The following GLIS3 variants were observed in gnomAD, a reference collection of about 807,000 sequenced individuals.
GLIS3 encodes the protein zinc finger protein GLIS3.
Under a neutral mutation model 78.6 loss-of-function variants are expected in GLIS3, and 53 were observed. That is an observed-to-expected ratio of 0.67 (90% confidence interval 0.54 to 0.85). The LOEUF is 0.85. Ranked by LOEUF, GLIS3 falls within the 40% of genes least tolerant of loss-of-function variation. GLIS3 has a pLI of 0.00. For missense variants in GLIS3, 1,703 were observed against 1,231.1 expected, an observed-to-expected ratio of 1.38 and a Z score of -5.74; for synonymous variants, 684 against 509.9, an observed-to-expected ratio of 1.34 and a Z score of -4.60.
chr9:3,899,018 C>T (rs1336358570), intron 6 of GLIS3, 183 bp from the exon 7 acceptor site: 1 of 729,034 alleles, frequency 1.4e-6, no homozygotes, highest in African/African-American at 1.7e-5. Context: ...ATCCTAATAA[C>T]ACCTGGCAAG....
chr9:4,147,207 T>C (rs762810910), intron 2 of GLIS3: 2 of 152,226 alleles, frequency 1.3e-5, no homozygotes, highest in Non-Finnish European at 2.9e-5. Flanking sequence ...ATTCTAAAAT[T>C]CCTAGTCCTC....
chr9:3,844,372 GAA>G (rs148492431), intron 9 of GLIS3, among the ~76,000 whole-genome samples: 5,781 of 152,186 alleles, frequency 0.038, 154 homozygotes, highest in Middle Eastern at 0.068. Flanking sequence ...GTTTAGCCCT[GAA>G]GAGTCCAACA....
At chr9:3,982,560 G>A (rs1376070281) in intron 4 of GLIS3, among the ~76,000 whole-genome samples, 1 of 152,084 alleles carries the variant, frequency 6.6e-6, no homozygotes, top group Admixed American at 6.5e-5. Context: ...GACAAAAGCT[G>A]GATCACTTCA....
At position 4,109,599 on chromosome 9, in the gene GLIS3, C is replaced by G. The variant is rs547157725; in HGVS notation, c.1710+8169G>C. Among the ~76,000 whole-genome samples, 763 of 152,302 alleles carry G rather than the reference C, an allele frequency of 5.0e-3. 8 individuals are homozygous for G. The highest frequency in any genetic ancestry group is 7.7e-3 in the Non-Finnish European group (526 of 68,016). On this transcript the variant is annotated intron_variant, in intron 4 of 10. Transcript: ENST00000381971. ...GGGAAGTCAAAGTTTCATTTCACAT[C>G]CACTGAAACACAGTGCTTGCTACCT... is the stretch of plus-strand genomic sequence containing the variant.
At chr9:4,224,003 A>G (rs1205954478) in intron 2 of GLIS3, among the ~76,000 whole-genome samples, 4 of 147,054 alleles carry the variant, frequency 2.7e-5, no homozygotes, top group Non-Finnish European at 6.0e-5. Flanking sequence ...AAAGATCCAG[A>G]AAAAAAAAAA....
At chr9:4,389,418 G>C in the GLIS3 span, among the ~76,000 whole-genome samples, 1 of 152,152 alleles carries the variant, frequency 6.6e-6, no homozygotes, top group Non-Finnish European at 1.5e-5. Context: ...GAGGGAAGGG[G>C]ATTCATTTTG....
At chr9:4,147,240 A>G (rs1383385326) in intron 2 of GLIS3, 1 of 152,204 alleles carries the variant, frequency 6.6e-6, no homozygotes, top group Non-Finnish European at 1.5e-5. Flanking sequence ...CCTCCATTCT[A>G]TTATTGGAAT....
Position 4,161,818 on chromosome 9 carries a change from T to C in GLIS3, c.389-35877A>G, listed in dbSNP as rs1564135258. On this transcript the variant is annotated intron_variant, in intron 2 of 10. Transcript: ENST00000381971. ...ACTCAGCCTCTCAAGTAGCTGGGATTACAGGTGCATGTCACACCCAGCTAA... is the reference window on the plus strand; with the variant it reads ...ACTCAGCCTCTCAAGTAGCTGGGATCACAGGTGCATGTCACACCCAGCTAA... Among the ~76,000 whole-genome samples the C allele has an allele frequency of 2.0e-5, 3 of 150,560 alleles. No individual in the cohort carries two copies. The South Asian group carries it at 6.4e-4, about 32-fold the overall frequency.
chr9:4,430,206 G>A, the GLIS3 span, among the ~76,000 whole-genome samples: 1 of 152,234 alleles, frequency 6.6e-6, no homozygotes, highest in Non-Finnish European at 1.5e-5. Context: ...GCTAGAAGGT[G>A]CATGCATGCC....
In GLIS3 at chr9:3,913,366, C is replaced by T. The variant is rs536372241; in HGVS notation, c.1984-14531G>A. ...CAACAGTCAGTATAGTTTTTCTCCT[C>T]GTTCAAAGCCCTTTAGTGACTCTCC... On this transcript the variant is annotated intron_variant, in intron 6 of 10. Transcript: ENST00000381971. 3.9e-5 allele frequency among the ~76,000 whole-genome samples: 6 copies of T among 152,296 alleles called. No homozygotes were observed. In the South Asian group the frequency reaches 6.2e-4, roughly 16 times the overall value.
chr9:4,411,385 C>T, the GLIS3 span, among the ~76,000 whole-genome samples: 59 of 152,064 alleles, frequency 3.9e-4, no homozygotes, highest in Non-Finnish European at 5.9e-4. Context: ...AAAATATTAC[C>T]GGCAGTACTG....
chr9:4,121,416 A>G (rs892001457), intron 3 of GLIS3, among the ~76,000 whole-genome samples: 3 of 152,232 alleles, frequency 2.0e-5, no homozygotes, highest in African/African-American at 7.2e-5. Context: ...TGTAAGATAC[A>G]TACTAAGTAC....
chr9:4,355,695 G>C, the GLIS3 span, among the ~76,000 whole-genome samples: 1 of 152,076 alleles, frequency 6.6e-6, no homozygotes, highest in African/African-American at 2.4e-5. Flanking sequence ...CAAACCTCTT[G>C]GCTAATGTCA....
At chr9:4,244,016 G>A (rs914259341) in intron 2 of GLIS3, among the ~76,000 whole-genome samples, 4 of 152,020 alleles carry the variant, frequency 2.6e-5, no homozygotes, top group South Asian at 2.1e-4. Flanking sequence ...CCTTACTCTC[G>A]CCTCAACCCC....
chr9:4,234,736 A>T (rs1182440803), intron 2 of GLIS3, among the ~76,000 whole-genome samples: 2 of 152,342 alleles, frequency 1.3e-5, no homozygotes, highest in South Asian at 4.1e-4. Context: ...GTATCTGCAA[A>T]GTGCAATAAA....
At chr9:3,907,605 AAC>A (rs1041005940) in intron 6 of GLIS3, among the ~76,000 whole-genome samples, 3 of 92,256 alleles carry the variant, frequency 3.3e-5, no homozygotes, top group African/African-American at 9.4e-5. Flanking sequence ...CCACCCCCCA[AAC>A]ACACACACAC....
At chr9:3,872,214 A>AAGC (rs1821014479) in intron 8 of GLIS3, among the ~76,000 whole-genome samples, 1 of 152,208 alleles carries the variant, frequency 6.6e-6, no homozygotes, top group Non-Finnish European at 1.5e-5. Flanking sequence ...ATTTTGGGCA[A>AAGC]AGCCATTCAA....
intron 2 of GLIS3, among the ~76,000 whole-genome samples, chr9:4,198,377 G>C (rs957112622): frequency 6.6e-6 from 1 of 151,994 alleles, no homozygotes; most frequent in Admixed American, 6.5e-5. Context: ...TCTAACTCTA[G>C]AAGTAGAAAA....
the GLIS3 span, among the ~76,000 whole-genome samples, chr9:4,376,266 G>A: frequency 3.9e-5 from 6 of 152,116 alleles, no homozygotes; most frequent in African/African-American, 4.8e-5. Flanking sequence ...GAAAACTTAC[G>A]AAAGAAAAAC....
Sources: gnomAD v4.1 joint callset for allele counts (sites outside exome capture counted in the v4.1 genomes callset) on GRCh38, gnomAD v4.1.1 for gene constraint, MANE v1.5 for transcripts, NCBI Gene and HGNC (gene_info 2026-07-23, HGNC 2026-07-21) for gene names.